LRP1B: variants seen among roughly 807,000 people sequenced by gnomAD.
LRP1B encodes the protein low-density lipoprotein receptor-related protein 1B.
LRP1B carries 217 observed loss-of-function variants against 556.6 expected under a neutral mutation model. That is an observed-to-expected ratio of 0.39 (90% CI 0.35 to 0.44). The LOEUF is 0.44. Among genes scored for constraint, LRP1B ranks in the 20% least tolerant of loss-of-function variants. LRP1B has a pLI of 1.00. For missense variants in LRP1B, 5,053 were observed against 5,620.8 expected (o/e 0.90, Z 3.23); for synonymous variants, 2,047 against 1,865.8 (o/e 1.10, Z -2.50).
At chr2:140,471,511 T>C (rs1573976083) in intron 60 of LRP1B, among the ~76,000 whole-genome samples, 1 of 152,152 alleles carries the variant, frequency 6.6e-6, no homozygotes, top group South Asian at 2.1e-4. Flanking sequence ...ATATAAATCA[T>C]TTACTTAATT....
intron 3 of LRP1B, among the ~76,000 whole-genome samples, chr2:141,464,000 C>T (rs1329618779): frequency 6.6e-6 from 1 of 151,680 alleles, no homozygotes; most frequent in East Asian, 1.9e-4. Context: ...GGCAGTTCAG[C>T]CACATTTGTC....
At chr2:140,903,269 T>A (rs2105224133) in intron 22 of LRP1B, 104 bp from the exon 23 acceptor site, 1 of 1,294,498 alleles carries the variant, frequency 7.7e-7, no homozygotes, top group Non-Finnish European at 1.1e-6. Flanking sequence ...GCCAGGATAC[T>A]ACAAATGAAT....
At chr2:140,891,978 G>GGT (rs1004895496) in intron 23 of LRP1B, among the ~76,000 whole-genome samples, 30 of 151,768 alleles carry the variant, frequency 2.0e-4, no homozygotes, top group African/African-American at 6.8e-4. Flanking sequence ...CCTCCTTTGG[G>GGT]GTGTGTGTGT....
chr2:141,066,231 G>C (rs1264260360), intron 7 of LRP1B, among the ~76,000 whole-genome samples: 2 of 151,904 alleles, frequency 1.3e-5, no homozygotes, highest in Non-Finnish European at 2.9e-5. Flanking sequence ...CTAGTAAACA[G>C]GGTTTTATTG....
chr2:141,891,203 G>A (rs141747945), intron 1 of LRP1B, among the ~76,000 whole-genome samples: 2 of 152,058 alleles, frequency 1.3e-5, no homozygotes, highest in African/African-American at 4.8e-5. Flanking sequence ...ATCAAGAAGT[G>A]TTGGGTGGAG....
At chr2:141,976,652 T>C (rs1701896902) in intron 1 of LRP1B, among the ~76,000 whole-genome samples, 1 of 152,126 alleles carries the variant, frequency 6.6e-6, no homozygotes, top group African/African-American at 2.4e-5. Context: ...CATTTACCAC[T>C]ACCTCCTGTA....
At chr2:141,548,713 C>A (rs1255785980) in intron 2 of LRP1B, among the ~76,000 whole-genome samples, 2 of 152,044 alleles carry the variant, frequency 1.3e-5, no homozygotes, top group Admixed American at 1.3e-4. Flanking sequence ...GTTTAGGCAC[C>A]AGCAAAGAGC....
At chr2:141,644,729 T>TCACACACACACA (rs3039268) in intron 2 of LRP1B, among the ~76,000 whole-genome samples, 1,429 of 141,590 alleles carry the variant, frequency 0.01, 18 homozygotes, top group African/African-American at 0.034. Flanking sequence ...CAGTCATTGA[T>TCACACACACACA]CACACACACA....
chr2:141,289,383 A>C (rs111781922), intron 3 of LRP1B, among the ~76,000 whole-genome samples: 1 of 89,990 alleles, frequency 1.1e-5, no homozygotes, highest in Non-Finnish European at 2.5e-5. Context: ...CTCCATCTCA[A>C]AAAAAAAAAA....
chr2:140,450,752 T>A (rs1686852476), intron 62 of LRP1B, 91 bp from the exon 63 acceptor site: 2 of 792,152 alleles, frequency 2.5e-6, no homozygotes, highest in Non-Finnish European at 4.1e-6. Context: ...CCTAGTCTAC[T>A]TTTTTGCTGC....
intron 71 of LRP1B, among the ~76,000 whole-genome samples, chr2:140,366,470 A>T (rs986142039): frequency 6.6e-6 from 1 of 151,678 alleles, no homozygotes; most frequent in African/African-American, 2.4e-5. Context: ...GAAATATAGG[A>T]TAGGTTTTTG....
chr2:140,982,134 A>G, intron 18 of LRP1B, 26 bp downstream of exon 18: 3 of 1,544,372 alleles, frequency 1.9e-6, no homozygotes, highest in Non-Finnish European at 2.7e-6. Flanking sequence ...AATCTGTAAT[A>G]ATAACATGTC....
At chr2:141,988,379 G>A (rs918891271) in intron 1 of LRP1B, among the ~76,000 whole-genome samples, 3 of 151,732 alleles carry the variant, frequency 2.0e-5, no homozygotes, top group African/African-American at 7.3e-5. Flanking sequence ...CTTATATTTA[G>A]CAGAGACTGT....
intron 3 of LRP1B, among the ~76,000 whole-genome samples, chr2:141,310,288 C>T (rs1017832356): frequency 2.5e-4 from 38 of 152,130 alleles, no homozygotes; most frequent in African/African-American, 8.7e-4. Flanking sequence ...TGGTTTAAAC[C>T]TTGGTTTAAG....
Position 140,725,089 on chromosome 2 carries a change from C to T in LRP1B, c.5759-8273G>A, listed in dbSNP as rs562995422. ...CTAACATAATGATTTCTTTGGGGAA[C>T]TAAAATCTTTCATATTTTCTTAAGC... On this transcript the variant is annotated intron_variant, in intron 35 of 90. Coordinates refer to ENST00000389484, the MANE Select transcript of LRP1B (RefSeq NM_018557.3). 2.6e-5 allele frequency among the ~76,000 whole-genome samples: 4 copies of T among 152,246 alleles called. 1 individual carries two copies. In the South Asian group the frequency reaches 8.3e-4, roughly 32 times the overall value.
In LRP1B at chr2:141,659,128, T is replaced by C. The variant is rs114176985; in HGVS notation, c.205+151151A>G. ...TGTGTTGCCCAGGCTTGTCTCGAAC[T>C]TCCGAGCTCAAACAGTCCTTTCACC... is the stretch of plus-strand genomic sequence containing the variant. On this transcript the variant is annotated intron_variant, in intron 2 of 90. Transcript: ENST00000389484. 1.4e-3 allele frequency among the ~76,000 whole-genome samples: 210 copies of C among 152,270 alleles called. 1 individual carries two copies. Among genetic ancestry groups the C allele is most frequent in the African/African-American group, 4.8e-3 (198 of 41,562 alleles).
At chr2:140,622,730 A>G (rs1683499443) in intron 41 of LRP1B, among the ~76,000 whole-genome samples, 6 of 152,202 alleles carry the variant, frequency 3.9e-5, no homozygotes, top group Admixed American at 1.3e-4. Flanking sequence ...GGGGTAATAC[A>G]AAAAAGAATG....
chr2:142,039,571 C>G (rs1266070275), intron 1 of LRP1B, among the ~76,000 whole-genome samples: 1 of 151,466 alleles, frequency 6.6e-6, no homozygotes, highest in Admixed American at 6.6e-5. Context: ...CAAACACAAA[C>G]TAAACAGAAT....
intron 7 of LRP1B, among the ~76,000 whole-genome samples, chr2:141,137,628 T>C (rs1258682241): frequency 6.6e-6 from 1 of 151,948 alleles, no homozygotes; most frequent in Non-Finnish European, 1.5e-5. Context: ...GTGAATAATA[T>C]TGCAATAAAG....
Sources: allele counts gnomAD v4.1 joint callset (sites outside exome capture counted in the v4.1 genomes callset), GRCh38; gene constraint gnomAD v4.1.1; transcripts MANE v1.5; gene names NCBI Gene and HGNC (gene_info 2026-07-23, HGNC 2026-07-21).